The following CYRIB variants were observed in gnomAD, a reference collection of about 807,000 sequenced individuals.
The protein encoded by CYRIB is CYFIP-related Rac1 interactor B.
CYRIB carries 8 observed loss-of-function variants against 44.2 expected under a neutral mutation model. The ratio of observed to expected loss-of-function variants is 0.18; its 90% CI spans 0.11 to 0.33. The LOEUF (loss-of-function observed/expected upper bound fraction) is 0.33, where lower values mean the gene tolerates loss of function less well. Ranked by LOEUF, CYRIB falls within the 10% of genes least tolerant of loss-of-function variation. The pLI is 1.00. For missense variants in CYRIB, 185 were observed against 382.8 expected (o/e 0.48, Z 4.31); for synonymous variants, 131 against 127.2 (o/e 1.03, Z -0.20).
intron 2 of CYRIB, among the ~76,000 whole-genome samples, chr8:129,950,198 G>A (rs1203936970): frequency 1.3e-5 from 2 of 152,174 alleles, no homozygotes; most frequent in African/African-American, 2.4e-5. Flanking sequence ...TCGCAAAGTT[G>A]TGTATGATAG....
At chr8:129,865,474 A>ACTC (rs1302174582) in intron 4 of CYRIB, among the ~76,000 whole-genome samples, 6 of 152,226 alleles carry the variant, frequency 3.9e-5, no homozygotes, top group African/African-American at 1.4e-4. Flanking sequence ...TCATACGTAG[A>ACTC]AAAACATGGA....
intron 2 of CYRIB, among the ~76,000 whole-genome samples, chr8:129,895,673 A>T (rs929682695): frequency 3.9e-5 from 6 of 152,106 alleles, no homozygotes; most frequent in Non-Finnish European, 8.8e-5. Flanking sequence ...CATTCCTGAG[A>T]TCAAGTCTGC....
intron 5 of CYRIB, among the ~76,000 whole-genome samples, chr8:129,861,556 A>G (rs984251854): frequency 6.6e-6 from 1 of 151,676 alleles, no homozygotes; most frequent in Non-Finnish European, 1.5e-5. Context: ...CTCCCACCTC[A>G]GCCTCCAGAG....
intron 1 of CYRIB, among the ~76,000 whole-genome samples, chr8:129,933,686 C>G (rs1434213568): frequency 3.3e-5 from 5 of 152,016 alleles, no homozygotes; most frequent in African/African-American, 4.8e-5. Flanking sequence ...TGAGACCTGA[C>G]CAACCTGATG....
intron 1 of CYRIB, among the ~76,000 whole-genome samples, chr8:129,924,203 G>A (rs1050982925): frequency 2.8e-5 from 4 of 143,160 alleles, no homozygotes; most frequent in Admixed American, 1.5e-4. Flanking sequence ...CTTGAGACCA[G>A]GTCAAGACTG....
chr8:129,868,630 C>T (rs961105940), intron 4 of CYRIB: 1 of 152,032 alleles, frequency 6.6e-6, no homozygotes, highest in African/African-American at 2.4e-5. Context: ...TGAGTGACTA[C>T]GGTATCCTAT....
Position 129,883,085 on chromosome 8 carries a change from C to T in CYRIB, c.-10-3614G>A, listed in dbSNP as rs1309141146. On this transcript the variant is annotated intron_variant, in intron 2 of 11. Transcript: ENST00000519824. ...AAGATCACGCCACTGCACACTCCAG[C>T]CTAGGCAACAGAGCTAGACTCCCTC... Among the ~76,000 whole-genome samples, 6 of 131,246 alleles carry T rather than the reference C, an allele frequency of 4.6e-5. 1 individual carries two copies. Among genetic ancestry groups the T allele is most frequent in the Admixed American group, 4.5e-4 (5 of 11,166 alleles). The allele number at this position is 131,246 out of a possible 152,430, so 86.1% of individuals were successfully genotyped here. A position where few individuals can be genotyped will look rare whatever the true frequency, so the allele number is the denominator to read the frequency against.
At chr8:129,906,610 A>G (rs1184078687) in intron 1 of CYRIB, among the ~76,000 whole-genome samples, 1 of 152,250 alleles carries the variant, frequency 6.6e-6, no homozygotes, top group Non-Finnish European at 1.5e-5. Flanking sequence ...ATGAGATCTA[A>G]TTAAACTAAA....
intron 2 of CYRIB, among the ~76,000 whole-genome samples, chr8:129,900,643 C>G (rs2071108012): frequency 6.6e-6 from 1 of 152,152 alleles, no homozygotes; most frequent in Non-Finnish European, 1.5e-5. Flanking sequence ...CGTTTCTCTT[C>G]TTAAAATTTT....
intron 1 of CYRIB, among the ~76,000 whole-genome samples, chr8:129,934,520 C>T (rs1275029469): frequency 1.3e-5 from 2 of 152,140 alleles, no homozygotes; most frequent in Non-Finnish European, 2.9e-5. Flanking sequence ...CAGGCCTCCA[C>T]AACAACTGTT....
intron 2 of CYRIB, among the ~76,000 whole-genome samples, chr8:129,885,161 C>T (rs2062252224): frequency 6.6e-6 from 1 of 152,178 alleles, no homozygotes; most frequent in Non-Finnish European, 1.5e-5. Context: ...TTAATTTTGT[C>T]TCCTCTTCCT....
chr8:129,961,496 T>C (rs1401993390), intron 2 of CYRIB, among the ~76,000 whole-genome samples: 1 of 152,180 alleles, frequency 6.6e-6, no homozygotes, highest in Non-Finnish European at 1.5e-5. Context: ...GCTGGTTGCC[T>C]CCTTACAGAG....
chr8:129,878,362 G>T lies in CYRIB; in HGVS notation c.73+1027C>A, dbSNP rs540397185. On this transcript the variant is annotated intron_variant, in intron 3 of 11. Coordinates refer to ENST00000519824, the Ensembl canonical transcript of CYRIB. The stretch of plus-strand genomic sequence containing the variant: ...TTTAGAATGATTCATAAAATAGAAT[G>T]AATTACATAAAATTGTAAAAACTAA... Among the ~76,000 whole-genome samples, 9 of 152,288 alleles carry T rather than the reference G, an allele frequency of 5.9e-5. 1 individual carries two copies. The highest frequency in any genetic ancestry group is 2.0e-4 in the Admixed American group (3 of 15,298).
chr8:130,010,368 C>A (rs2097190120), intron 1 of CYRIB, among the ~76,000 whole-genome samples: 1 of 152,196 alleles, frequency 6.6e-6, no homozygotes, highest in African/African-American at 2.4e-5. Context: ...GGCTCAGGAG[C>A]CAGAGGCCTA....
chr8:129,980,266 A>T (rs1411514233), intron 1 of CYRIB, among the ~76,000 whole-genome samples: 2 of 151,714 alleles, frequency 1.3e-5, no homozygotes, highest in African/African-American at 4.8e-5. Context: ...AAAGAAAAAA[A>T]GCTGTAGTAC....
intron 2 of CYRIB, among the ~76,000 whole-genome samples, chr8:129,881,056 C>T (rs2060639478): frequency 6.6e-6 from 1 of 152,242 alleles, no homozygotes; most frequent in South Asian, 2.1e-4. Flanking sequence ...CTATACACAA[C>T]TATACCATGT....
At chr8:130,007,692 G>A (rs957953349) in intron 1 of CYRIB, among the ~76,000 whole-genome samples, 3 of 152,208 alleles carry the variant, frequency 2.0e-5, no homozygotes, top group African/African-American at 7.2e-5. Context: ...GCTAAGGCAG[G>A]AGAATTGCTT....
chr8:130,006,638 G>A lies in CYRIB; in HGVS notation c.-296+9732C>T, dbSNP rs13250999. Among the ~76,000 whole-genome samples the A allele has an allele frequency of 2.6e-3, 218 of 84,806 alleles. 1 individual carries two copies. The highest frequency in any genetic ancestry group is 0.013 in the Middle Eastern group (2 of 150). The allele number at this position is 84,806 out of a possible 152,430, so 55.6% of individuals were successfully genotyped here. On this transcript the variant is annotated intron_variant, in intron 1 of 14. Coordinates refer to the CYRIB transcript ENST00000401979. ...TATGTGTATATATATACATATATAT[G>A]TGTATATATATACATATATATATGT...
chr8:130,014,313 C>T (rs775828273), intron 1 of CYRIB, among the ~76,000 whole-genome samples: 7 of 152,126 alleles, frequency 4.6e-5, no homozygotes, highest in Non-Finnish European at 8.8e-5. Flanking sequence ...ACCCGTGGTC[C>T]CAGCTACTTG....
Sources: allele counts gnomAD v4.1 joint callset (sites outside exome capture counted in the v4.1 genomes callset), GRCh38; gene constraint gnomAD v4.1.1; transcripts MANE v1.5; gene names NCBI Gene and HGNC (gene_info 2026-07-23, HGNC 2026-07-21).